The following LRP1B variants were observed in gnomAD, a reference collection of about 807,000 sequenced individuals.
LRP1B encodes LDL receptor related protein 1B, also known as low-density lipoprotein receptor-related protein 1B.
LRP1B carries 217 observed loss-of-function variants against 556.6 expected under a neutral mutation model. The ratio of observed to expected loss-of-function variants is 0.39; its 90% CI spans 0.35 to 0.44. The LOEUF (loss-of-function observed/expected upper bound fraction) is 0.44. Among genes scored for constraint, LRP1B ranks in the 20% least tolerant of loss-of-function variants. LRP1B has a pLI of 1.00. For missense variants in LRP1B, 5,053 were observed against 5,620.8 expected, an observed-to-expected ratio of 0.90 and a Z score of 3.23; for synonymous variants, 2,047 against 1,865.8, an observed-to-expected ratio of 1.10 and a Z score of -2.50.
intron 2 of LRP1B, among the ~76,000 whole-genome samples, chr2:141,804,025 C>G (rs927643428): frequency 6.6e-6 from 1 of 152,068 alleles, no homozygotes. Flanking sequence ...GCTTCTCTTC[C>G]TAGTACCCAA....
chr2:141,001,834 CAG>C (rs1208017973), intron 15 of LRP1B, among the ~76,000 whole-genome samples: 1 of 152,116 alleles, frequency 6.6e-6, no homozygotes, highest in African/African-American at 2.4e-5. Flanking sequence ...TTCAAAATGT[CAG>C]AGTCATTCAA....
chr2:141,022,334 A>T (rs182432480), intron 11 of LRP1B, among the ~76,000 whole-genome samples: 23 of 151,924 alleles, frequency 1.5e-4, no homozygotes, highest in Admixed American at 1.3e-3. Flanking sequence ...ATAAAAATTT[A>T]AAAATAAGAA....
At chr2:141,236,466 G>C (rs533837704) in intron 5 of LRP1B, among the ~76,000 whole-genome samples, 1 of 152,234 alleles carries the variant, frequency 6.6e-6, no homozygotes, top group African/African-American at 2.4e-5. Flanking sequence ...TGGGGGATCA[G>C]GTTGGGGAGA....
intron 2 of LRP1B, among the ~76,000 whole-genome samples, chr2:141,557,142 A>G (rs1685986432): frequency 6.6e-6 from 1 of 151,886 alleles, no homozygotes; most frequent in African/African-American, 2.4e-5. Flanking sequence ...TGATTCCTGT[A>G]CAGTAGAGAG....
chr2:140,500,112 GTAATATATTGT>G (rs1347137481), intron 55 of LRP1B, among the ~76,000 whole-genome samples: 1 of 151,858 alleles, frequency 6.6e-6, no homozygotes, highest in Non-Finnish European at 1.5e-5. Context: ...CTTTCTGCCT[GTAATATATTGT>G]TTATGAATGA....
chr2:141,512,544 T>C (rs1684168532), intron 2 of LRP1B, among the ~76,000 whole-genome samples: 1 of 152,210 alleles, frequency 6.6e-6, no homozygotes, highest in Non-Finnish European at 1.5e-5. Context: ...CCCTCCAGCT[T>C]AGTTCCTGAA....
At chr2:141,639,397 T>TAC (rs1558772475) in intron 2 of LRP1B, among the ~76,000 whole-genome samples, 3 of 53,624 alleles carry the variant, frequency 5.6e-5, no homozygotes, top group African/African-American at 9.5e-5. Context: ...TATACACATA[T>TAC]ATATATATGT....
At chr2:142,067,287 T>C (rs1705142389) in intron 1 of LRP1B, among the ~76,000 whole-genome samples, 1 of 151,440 alleles carries the variant, frequency 6.6e-6, no homozygotes. Flanking sequence ...TTTCTGACCC[T>C]AGGACCCAGA....
Position 140,836,801 on chromosome 2 carries a change from A to G in LRP1B, c.5209+3190T>C, listed in dbSNP as rs192800612. On this transcript the variant is annotated intron_variant, in intron 31 of 90. Transcript: ENST00000389484. Reference sequence around the variant, plus strand: ...TTATATATGGACAACACAGCTTTTCATTACGCATTGGGGAGACTATCAATC... The same window carrying G: ...TTATATATGGACAACACAGCTTTTCGTTACGCATTGGGGAGACTATCAATC... Among the ~76,000 whole-genome samples the G allele has an allele frequency of 3.9e-5, 6 of 152,354 alleles. No homozygotes were observed. In the East Asian group the frequency reaches 1.2e-3, roughly 29 times the overall value.
Position 141,049,181 on chromosome 2 carries a change from G to T in LRP1B, c.1594C>A (p.Pro532Thr), listed in dbSNP as rs2105446202. The change falls in exon 11 of 91, where the codon CCA becomes ACA. Residue 532 changes from proline to threonine, a missense_variant. By Grantham distance (38) the Pro-to-Thr change is conservative. Transcript: ENST00000389484. ...ELFLFYGKGR[P>T]GIVRGMDLNT... is the part of the protein sequence containing the mutation. ...AAGTCCATTCCTCTAACAATTCCTG[G>T]GCGTCCTTTCCCATAAAAGAGGAAC... 6.2e-7 allele frequency: 1 copy of T among 1,613,340 alleles called. No homozygotes were observed. Among genetic ancestry groups the T allele is most frequent in the Non-Finnish European group, 8.5e-7 (1 of 1,179,630 alleles).
At chr2:141,519,360 GATATATATATATATATATATATATAT>G (rs60473210) in intron 2 of LRP1B, among the ~76,000 whole-genome samples, 1 of 68,302 alleles carries the variant, frequency 1.5e-5, no homozygotes, top group East Asian at 7.8e-4. Flanking sequence ...TTAAGTCAAT[GATATATATATATATATATATATATAT>G]ATATATATAT....
At chr2:140,762,213 A>G (rs956848024) in intron 35 of LRP1B, among the ~76,000 whole-genome samples, 6 of 152,188 alleles carry the variant, frequency 3.9e-5, no homozygotes, top group African/African-American at 9.6e-5. Context: ...ATTATGTCAC[A>G]TTGCTTATGC....
intron 66 of LRP1B, among the ~76,000 whole-genome samples, chr2:140,413,356 T>A (rs894128484): frequency 1.1e-4 from 17 of 152,226 alleles, no homozygotes; most frequent in Non-Finnish European, 1.6e-4. Flanking sequence ...TGTTTAATAA[T>A]GTTTGCTTTA....
intron 47 of LRP1B, among the ~76,000 whole-genome samples, chr2:140,528,934 G>T (rs1690560535): frequency 6.6e-6 from 1 of 152,032 alleles, no homozygotes; most frequent in African/African-American, 2.4e-5. Flanking sequence ...GGTGATTTTT[G>T]AGGAAGAAAG....
intron 7 of LRP1B, among the ~76,000 whole-genome samples, chr2:141,079,200 T>A (rs1699865693): frequency 6.6e-6 from 1 of 152,192 alleles, no homozygotes; most frequent in Non-Finnish European, 1.5e-5. Flanking sequence ...GTATTCAGAC[T>A]TCCTGTCTTT....
intron 2 of LRP1B, among the ~76,000 whole-genome samples, chr2:141,566,233 A>G (rs1352711465): frequency 6.6e-6 from 1 of 152,168 alleles, no homozygotes; most frequent in African/African-American, 2.4e-5. Context: ...ACAACAAAAA[A>G]GGGCAGACTG....
At chr2:141,381,398 T>C (rs920059868) in intron 3 of LRP1B, among the ~76,000 whole-genome samples, 11 of 150,564 alleles carry the variant, frequency 7.3e-5, no homozygotes, top group African/African-American at 2.7e-4. Flanking sequence ...AGAGTGAAGA[T>C]AGCTTAAAGG....
chr2:141,337,615 T>C (rs1687896609), intron 3 of LRP1B, among the ~76,000 whole-genome samples: 1 of 152,216 alleles, frequency 6.6e-6, no homozygotes, highest in Non-Finnish European at 1.5e-5. Flanking sequence ...CGACTATTTA[T>C]GTCATGCCTC....
chr2:140,658,626 T>C (rs907772861), intron 41 of LRP1B, among the ~76,000 whole-genome samples: 2 of 152,110 alleles, frequency 1.3e-5, no homozygotes, highest in Non-Finnish European at 2.9e-5. Context: ...TAAAACTCTA[T>C]CATGTCTATT....
Sources: allele counts gnomAD v4.1 joint callset (sites outside exome capture counted in the v4.1 genomes callset), GRCh38; gene constraint gnomAD v4.1.1; transcripts MANE v1.5; gene names NCBI Gene and HGNC (gene_info 2026-07-23, HGNC 2026-07-21).